ATP6V1H: variants seen among roughly 807,000 people sequenced by gnomAD.
The protein encoded by ATP6V1H is V-type proton ATPase subunit H.
A neutral mutation model predicts 71.7 loss-of-function variants in ATP6V1H; 39 were observed. The ratio of observed to expected loss-of-function variants is 0.54; its 90% CI spans 0.42 to 0.71. ATP6V1H has a LOEUF of 0.71. Ranked by LOEUF, ATP6V1H falls within the 30% of genes least tolerant of loss-of-function variation. The pLI is 0.00. For synonymous variants in ATP6V1H, 192 were observed against 199.3 expected (o/e 0.96, Z 0.31); for missense variants, 509 against 594.9 (o/e 0.86, Z 1.50).
chr8:53,739,675 G>A (rs1807347539), intron 13 of ATP6V1H: 1 of 152,230 alleles, frequency 6.6e-6, no homozygotes, highest in African/African-American at 2.4e-5. Flanking sequence ...ATCTTATGAT[G>A]TGAAACGGAT....
At chr8:53,839,014 C>T (rs1013675391) in intron 2 of ATP6V1H, among the ~76,000 whole-genome samples, 3 of 152,146 alleles carry the variant, frequency 2.0e-5, no homozygotes, top group African/African-American at 7.2e-5. Flanking sequence ...TGAACATTTG[C>T]CCACAGGCCT....
intron 11 of ATP6V1H, among the ~76,000 whole-genome samples, chr8:53,768,363 A>G (rs913672631): frequency 6.6e-6 from 1 of 152,190 alleles, no homozygotes; most frequent in African/African-American, 2.4e-5. Flanking sequence ...GCCACTTTGG[A>G]AAACAGTCTG....
intron 13 of ATP6V1H, among the ~76,000 whole-genome samples, chr8:53,722,756 C>T (rs2130087827): frequency 6.6e-6 from 1 of 152,306 alleles, no homozygotes; most frequent in East Asian, 1.9e-4. Flanking sequence ...TGTGCTGCAA[C>T]AGCAGTAGAG....
chr8:53,755,915 G>A (rs1488569382), intron 12 of ATP6V1H, among the ~76,000 whole-genome samples: 28 of 133,630 alleles, frequency 2.1e-4, no homozygotes, highest in Non-Finnish European at 3.0e-4. Context: ...CCGCCACTAC[G>A]CCCGGCTAAT....
intron 9 of ATP6V1H, among the ~76,000 whole-genome samples, chr8:53,777,065 A>C (rs751899603): frequency 2.0e-5 from 3 of 152,250 alleles, no homozygotes; most frequent in Non-Finnish European, 4.4e-5. Flanking sequence ...ACAAAGGCTC[A>C]GTGACTTGCA....
intron 4 of ATP6V1H, among the ~76,000 whole-genome samples, chr8:53,828,301 C>T (rs543021230): frequency 6.6e-6 from 1 of 152,322 alleles, no homozygotes; most frequent in South Asian, 2.1e-4. Flanking sequence ...CTCACAATCT[C>T]ACTGTTACAG....
Position 53,743,013 on chromosome 8 carries a change from T to G in ATP6V1H, c.1391+564A>C, listed in dbSNP as rs146271667. Among the ~76,000 whole-genome samples, 346 of 152,360 alleles carry G rather than the reference T, an allele frequency of 2.3e-3. 2 individuals carry two copies. The highest frequency in any genetic ancestry group is 8.1e-3 in the African/African-American group (335 of 41,584). On this transcript the variant is annotated intron_variant, in intron 13 of 13. Transcript: ENST00000359530. ...ACACAAAGGGCTCACCATGTCTAAG[T>G]AGTTACTCTTTAATTGATCTTGTTT...
Position 53,795,121 on chromosome 8 carries a change from G to A in ATP6V1H, c.870+526C>T, listed in dbSNP as rs969201324. 2.6e-5 allele frequency among the ~76,000 whole-genome samples: 4 copies of A among 152,260 alleles called. No individual in the cohort carries two copies. The South Asian group carries it at 6.2e-4, about 24-fold the overall frequency. ...AAACCACCTGGCAACCTAGGATTTC[G>A]ATTCTAGCTAGGCTTTCTCTTGTCC... On this transcript the variant is annotated intron_variant, in intron 9 of 13. Coordinates refer to ENST00000359530, the MANE Select transcript of ATP6V1H (RefSeq NM_015941.4).
Position 53,811,207 on chromosome 8 carries a change from C to T in ATP6V1H, c.536G>A (p.Gly179Asp). 1.2e-6 allele frequency: 2 copies of T among 1,613,134 alleles called. No individual in the cohort carries two copies. Among genetic ancestry groups the T allele is most frequent in the Non-Finnish European group, 1.7e-6 (2 of 1,179,310 alleles). Residue 179 changes from glycine (G) to aspartate (D), a missense_variant, in exon 7 of 14, where the codon GGT becomes GAT. Coordinates refer to ENST00000359530, the MANE Select transcript of ATP6V1H (RefSeq NM_015941.4). Reference protein sequence around the residue: ...KTQLSSQKLRGSGVAVETGTV... With the variant: ...KTQLSSQKLRDSGVAVETGTV... ...TCCTGTTTCAACAGCAACACCGCTA[C>T]CACGCAGTTTCTATTACGAAATAAA...
chr8:53,828,298 T>C (rs866783493), intron 4 of ATP6V1H, among the ~76,000 whole-genome samples: 2 of 152,168 alleles, frequency 1.3e-5, no homozygotes, highest in Non-Finnish European at 2.9e-5. Context: ...GAACTCACAA[T>C]CTCACTGTTA....
chr8:53,771,744 G>A (rs1339565492), intron 10 of ATP6V1H, among the ~76,000 whole-genome samples: 1 of 152,198 alleles, frequency 6.6e-6, no homozygotes, highest in Non-Finnish European at 1.5e-5. Context: ...TCCTGAGGGA[G>A]TAAAGCCGGT....
chr8:53,834,933 G>C (rs1811113110), intron 2 of ATP6V1H, among the ~76,000 whole-genome samples: 2 of 152,062 alleles, frequency 1.3e-5, no homozygotes, highest in African/African-American at 4.8e-5. Flanking sequence ...CTTGGGCACA[G>C]GAGTTTAAGA....
At chr8:53,755,784 G>A (rs1808029797) in intron 12 of ATP6V1H, among the ~76,000 whole-genome samples, 4 of 66,660 alleles carry the variant, frequency 6.0e-5, no homozygotes, top group African/African-American at 2.6e-4. Flanking sequence ...TTGAGACGGA[G>A]TCTCGCTCTG....
chr8:53,720,877 T>G (rs1806587396), intron 13 of ATP6V1H, among the ~76,000 whole-genome samples: 2 of 152,342 alleles, frequency 1.3e-5, no homozygotes, highest in South Asian at 4.1e-4. Context: ...CTTCCTTTAG[T>G]GTGCAAATTT....
intron 13 of ATP6V1H, among the ~76,000 whole-genome samples, chr8:53,738,640 G>A (rs1289902929): frequency 6.6e-6 from 1 of 152,138 alleles, no homozygotes; most frequent in Non-Finnish European, 1.5e-5. Context: ...TAATTATAAA[G>A]TCCACAGACT....
intron 8 of ATP6V1H, among the ~76,000 whole-genome samples, chr8:53,799,152 A>C (rs1809834600): frequency 1.3e-5 from 2 of 152,124 alleles, no homozygotes. Flanking sequence ...CCCTAATTGT[A>C]AGATAAAATG....
At chr8:53,797,686 A>ATT (rs1052694699) in intron 8 of ATP6V1H, among the ~76,000 whole-genome samples, 1 of 147,320 alleles carries the variant, frequency 6.8e-6, no homozygotes, top group African/African-American at 2.5e-5. Flanking sequence ...CTCAAGAGTC[A>ATT]TTTTTTTTTT....
At chr8:53,786,918 A>G (rs1809406573) in intron 9 of ATP6V1H, among the ~76,000 whole-genome samples, 1 of 152,228 alleles carries the variant, frequency 6.6e-6, no homozygotes, top group Non-Finnish European at 1.5e-5. Context: ...GGTGAAGACC[A>G]GTTTTGCTTG....
chr8:53,840,156 T>C (rs1563321262), intron 2 of ATP6V1H, among the ~76,000 whole-genome samples: 2 of 152,206 alleles, frequency 1.3e-5, no homozygotes, highest in Admixed American at 6.5e-5. Context: ...TTGTCTTTTT[T>C]ATGTGCACCT....
Sources: gnomAD v4.1 joint callset for allele counts (sites outside exome capture counted in the v4.1 genomes callset) on GRCh38, gnomAD v4.1.1 for gene constraint, MANE v1.5 for transcripts, NCBI Gene and HGNC (gene_info 2026-07-23, HGNC 2026-07-21) for gene names.